Variants in PDE10A observed in about 807,000 individuals in gnomAD.
PDE10A encodes cAMP and cAMP-inhibited cGMP 3',5'-cyclic phosphodiesterase 10A.
In PDE10A, 39 loss-of-function variants were observed where a neutral mutation model predicts 97.7. The ratio of observed to expected loss-of-function variants is 0.40; its 90% CI spans 0.31 to 0.52. The LOEUF (loss-of-function observed/expected upper bound fraction) is 0.52, where lower values mean the gene tolerates loss of function less well. Ranked by LOEUF, PDE10A falls within the 20% of genes least tolerant of loss-of-function variation. PDE10A has a pLI of 0.56. For synonymous variants in PDE10A, 371 were observed against 376.8 expected, an observed-to-expected ratio of 0.98 and a Z score of 0.18; for missense variants, 731 against 1,047.8, an observed-to-expected ratio of 0.70 and a Z score of 4.17.
chr6:165,816,810 G>C (rs748027292), intron 1 of PDE10A, among the ~76,000 whole-genome samples: 1 of 152,180 alleles, frequency 6.6e-6, no homozygotes, highest in Admixed American at 6.5e-5. Context: ...AATGGGTTCC[G>C]GAGGGGGGAA....
rs141080751 is a variant in PDE10A, at chr6:165,931,952, G to T, written c.-615+55577C>A. Among the ~76,000 whole-genome samples, 9 of 152,302 alleles carry T rather than the reference G, an allele frequency of 5.9e-5. No homozygotes were observed. The East Asian group carries it at 1.7e-3, about 29-fold the overall frequency. ...CCACACCCTGCGGCTCTCATCAGTG[G>T]CATGTGGCAGATGACAGAAAGGTCA... On this transcript the variant is annotated intron_variant, in intron 1 of 19. Coordinates refer to the PDE10A transcript ENST00000366882.
intron 1 of PDE10A, among the ~76,000 whole-genome samples, chr6:165,914,006 A>G (rs1176318534): frequency 6.6e-6 from 1 of 152,242 alleles, no homozygotes; most frequent in Non-Finnish European, 1.5e-5. Flanking sequence ...AAAAATTTCA[A>G]TATTCTAAAT....
At chr6:165,505,286 G>T (rs979107002) in intron 2 of PDE10A, among the ~76,000 whole-genome samples, 1 of 152,112 alleles carries the variant, frequency 6.6e-6, no homozygotes, top group Non-Finnish European at 1.5e-5. Flanking sequence ...AAAACACATT[G>T]CCTTACAAAT....
intron 1 of PDE10A, among the ~76,000 whole-genome samples, chr6:165,573,055 C>T (rs1021293543): frequency 1.3e-5 from 2 of 152,108 alleles, no homozygotes; most frequent in African/African-American, 2.4e-5. Flanking sequence ...ATATAATATG[C>T]TAGGCTATTT....
rs1327159094 is a variant in PDE10A, at chr6:165,331,215, T to C, written c.*1810A>G. The C allele has an allele frequency of 2.6e-5, 4 of 152,170 alleles. No individual in the cohort carries two copies. Among genetic ancestry groups the C allele is most frequent in the African/African-American group, 9.7e-5 (4 of 41,440 alleles). 9.4% of individuals were successfully genotyped at this position (152,170 alleles called of 1,614,324 possible). ...GTGTGTTCTACATATATTACATCCA[T>C]CCATATATATATGTGTGTGTATATA... On this transcript the variant is annotated 3_prime_UTR_variant, in exon 22 of 22. Transcript: ENST00000539869.
At chr6:165,414,336 C>T (rs977956676) in intron 12 of PDE10A, among the ~76,000 whole-genome samples, 1 of 152,168 alleles carries the variant, frequency 6.6e-6, no homozygotes, top group Non-Finnish European at 1.5e-5. Flanking sequence ...GGCTTGCTGA[C>T]TCCTATTGTG....
chr6:165,737,030 T>C (rs1216519102), intron 1 of PDE10A, among the ~76,000 whole-genome samples: 1 of 152,168 alleles, frequency 6.6e-6, no homozygotes, highest in Non-Finnish European at 1.5e-5. Context: ...TATATGTCAA[T>C]AAATGGCATA....
In PDE10A at chr6:165,388,522, C is replaced by T. The variant is rs563569770; in HGVS notation, c.2455-69G>A. On this transcript the variant is annotated intron_variant, in intron 16 of 21. Coordinates refer to ENST00000539869, the MANE Select transcript of PDE10A (RefSeq NM_001385079.1). This position sits in a 1 kb window ranked among gnomAD's most constrained non-coding sequence, Gnocchi z 4.0. ...CACACATGAGCAGACTTACCGCTTA[C>T]ATTCATGTCACATTACTTTCTGGCA... is the stretch of plus-strand genomic sequence containing the variant. 3,340 of 1,371,380 alleles carry T rather than the reference C, an allele frequency of 2.4e-3. 8 individuals are homozygous for T. The highest frequency in any genetic ancestry group is 2.9e-3 in the Non-Finnish European group (2,818 of 967,126). 85.0% of individuals were successfully genotyped at this position (1,371,380 alleles called of 1,614,324 possible).
At chr6:165,900,385 T>A (rs565306572) in intron 1 of PDE10A, among the ~76,000 whole-genome samples, 49 of 152,192 alleles carry the variant, frequency 3.2e-4, no homozygotes, top group Middle Eastern at 3.4e-3. Flanking sequence ...GGCAGGAGAA[T>A]GGCTTGAACC....
At chr6:165,706,846 T>TA (rs1183793552) in intron 1 of PDE10A, among the ~76,000 whole-genome samples, 1 of 152,114 alleles carries the variant, frequency 6.6e-6, no homozygotes, top group East Asian at 1.9e-4. Context: ...CAAAAGATTT[T>TA]AAAAAAAGGA....
chr6:165,453,599 G>A lies in PDE10A; in HGVS notation c.1024-3237C>T, dbSNP rs887735017. 3.3e-5 allele frequency among the ~76,000 whole-genome samples: 5 copies of A among 152,320 alleles called. No homozygotes were observed. The East Asian group carries it at 5.8e-4, about 18-fold the overall frequency. On this transcript the variant is annotated intron_variant, in intron 3 of 21. Coordinates refer to ENST00000539869, the MANE Select transcript of PDE10A (RefSeq NM_001385079.1). ...CCTTCACAATGTGAGCCCCAGCCAC[G>A]GTTCAAGTGAGTTCAAGTGCAGCTC...
intron 2 of PDE10A, among the ~76,000 whole-genome samples, chr6:165,506,910 G>A (rs562963399): frequency 1.2e-4 from 18 of 151,994 alleles, no homozygotes; most frequent in Non-Finnish European, 2.2e-4. Flanking sequence ...TCTTTGTCCC[G>A]GAAGCACAGC....
intron 1 of PDE10A, among the ~76,000 whole-genome samples, chr6:165,555,755 C>T (rs1198204966): frequency 6.6e-6 from 1 of 152,126 alleles, no homozygotes; most frequent in Non-Finnish European, 1.5e-5. Context: ...CACAAACTAA[C>T]CTCAAAGATA....
intron 18 of PDE10A, among the ~76,000 whole-genome samples, chr6:165,354,672 A>C (rs1230212560): frequency 6.6e-6 from 1 of 152,248 alleles, no homozygotes; most frequent in East Asian, 1.9e-4. Flanking sequence ...GAACATGGGA[A>C]GCAAACCCAA....
At chr6:165,499,895 A>T (rs1339121846) in intron 2 of PDE10A, among the ~76,000 whole-genome samples, 1 of 152,182 alleles carries the variant, frequency 6.6e-6, no homozygotes, top group Non-Finnish European at 1.5e-5. Context: ...GTCAATGTTC[A>T]TTCAGGATAA....
intron 1 of PDE10A, among the ~76,000 whole-genome samples, chr6:165,859,834 A>T (rs998193525): frequency 4.6e-5 from 7 of 152,158 alleles, no homozygotes; most frequent in Non-Finnish European, 2.9e-5. Flanking sequence ...TATATCATAT[A>T]TATATGATGG....
chr6:165,773,166 T>C (rs1343144072), intron 1 of PDE10A: 6 of 152,216 alleles, frequency 3.9e-5, no homozygotes, highest in Non-Finnish European at 8.8e-5. Context: ...CTTCCAACTT[T>C]GGCAGAAGAA....
chr6:165,656,258 T>TCA (rs3083000), intron 1 of PDE10A, among the ~76,000 whole-genome samples: 3,809 of 129,816 alleles, frequency 0.029, 101 homozygotes, highest in African/African-American at 0.06. Context: ...TCTCTCTCTC[T>TCA]CACACACACA....
intron 1 of PDE10A, among the ~76,000 whole-genome samples, chr6:165,956,439 G>A (rs767161858): frequency 6.6e-6 from 1 of 152,112 alleles, no homozygotes; most frequent in Non-Finnish European, 1.5e-5. Flanking sequence ...TAATTTACTA[G>A]TATCTCTAAA....
Sources: gnomAD v4.1 joint callset for allele counts (sites outside exome capture counted in the v4.1 genomes callset) on GRCh38, gnomAD v4.1.1 for gene constraint, Gnocchi (gnomAD v3.1) non-coding constraint, MANE v1.5 for transcripts, NCBI Gene and HGNC (gene_info 2026-07-23, HGNC 2026-07-21) for gene names.